Variants in EREG observed in about 807,000 individuals in gnomAD.
EREG encodes the protein proepiregulin.
Under a neutral mutation model 22.4 loss-of-function variants are expected in EREG, and 23 were observed. The ratio of observed to expected loss-of-function variants is 1.03; its 90% CI spans 0.74 to 1.46. EREG has a LOEUF of 1.46. Among genes scored for constraint, EREG ranks in the 40% most tolerant of loss-of-function variants. EREG has a pLI of 0.00. For synonymous variants in EREG, 100 were observed against 75.4 expected, an observed-to-expected ratio of 1.33 and a Z score of -1.69; for missense variants, 226 against 205.9, an observed-to-expected ratio of 1.10 and a Z score of -0.60.
At chr4:74,383,144 A>G (rs1313664364) in intron 4 of EREG, among the ~76,000 whole-genome samples, 2 of 152,224 alleles carry the variant, frequency 1.3e-5, no homozygotes, top group Admixed American at 6.5e-5. Context: ...GTGACCTTAC[A>G]TAAGTCAAAT....
At chr4:74,366,747 AGT>A (rs1374717416) in intron 1 of EREG, among the ~76,000 whole-genome samples, 1 of 152,024 alleles carries the variant, frequency 6.6e-6, no homozygotes. Flanking sequence ...ACTACCCACT[AGT>A]GTGTGTGTTG....
In EREG at chr4:74,382,696, C is replaced by T. The variant is rs755389323; in HGVS notation, c.330C>T (p.Val110=). The part of the protein sequence containing the change: ...GVRCEHFFLT[V]HQPLSKEYVA... ...GATGTGAACACTTCTTTTTAACCGT[C>T]CACCAACCTTTAAGCAAAGAATATG... is the stretch of plus-strand genomic sequence containing the variant. Residue 110 remains valine, a synonymous_variant, in exon 4 of 5, where the codon GTC becomes GTT. Coordinates refer to ENST00000244869, the MANE Select transcript of EREG (RefSeq NM_001432.3). 1 of 1,613,326 alleles carries T rather than the reference C, an allele frequency of 6.2e-7. No homozygotes were observed. Among genetic ancestry groups the T allele is most frequent in the Non-Finnish European group, 8.5e-7 (1 of 1,179,358 alleles).
chr4:74,367,561 T>C (rs1418949054), intron 1 of EREG, among the ~76,000 whole-genome samples: 2 of 152,208 alleles, frequency 1.3e-5, no homozygotes, highest in Non-Finnish European at 2.9e-5. Context: ...TGTTCCTGAA[T>C]GACATCTCCA....
At chr4:74,373,665 G>GTATATATGTC (rs925165200) in intron 1 of EREG, among the ~76,000 whole-genome samples, 1 of 146,674 alleles carries the variant, frequency 6.8e-6, no homozygotes, top group Non-Finnish European at 1.5e-5. Flanking sequence ...GTATATATGT[G>GTATATATGTC]TTCATATATA....
rs1267809102 is a variant in EREG, at chr4:74,385,745, T to A, written c.*937T>A. 1 of 380,980 alleles carries A rather than the reference T, an allele frequency of 2.6e-6. No individual in the cohort carries two copies. The highest frequency in any genetic ancestry group is 4.7e-6 in the Non-Finnish European group (1 of 214,618). 23.6% of individuals were successfully genotyped at this position (380,980 alleles called of 1,614,324 possible). ...AGCCCAAAATTTGATGGACTAATTATTATTTTAAAATATATGAAGACAATA... is the reference window on the plus strand; with the variant it reads ...AGCCCAAAATTTGATGGACTAATTAATATTTTAAAATATATGAAGACAATA... On this transcript the variant is annotated 3_prime_UTR_variant, in exon 5 of 5. Coordinates refer to ENST00000244869, the MANE Select transcript of EREG (RefSeq NM_001432.3).
In EREG at chr4:74,375,387, C is replaced by G. The variant is rs548416341; in HGVS notation, c.68-4061C>G. ...AGGCTGGAGTGCAGTGGCGCGATCT[C>G]CGCTCCCTGCAAGCTCCGCCTCCTG... On this transcript the variant is annotated intron_variant, in intron 1 of 4. Coordinates refer to ENST00000244869, the MANE Select transcript of EREG (RefSeq NM_001432.3). Among the ~76,000 whole-genome samples, 8 of 140,784 alleles carry G rather than the reference C, an allele frequency of 5.7e-5. No homozygotes were observed. The East Asian group carries it at 1.5e-3, about 27-fold the overall frequency. 92.4% of individuals were successfully genotyped at this position (140,784 alleles called of 152,430 possible).
At chr4:74,367,645 G>A (rs1011595327) in intron 1 of EREG, among the ~76,000 whole-genome samples, 5 of 152,182 alleles carry the variant, frequency 3.3e-5, no homozygotes, top group Non-Finnish European at 7.3e-5. Context: ...AATATGAGGA[G>A]CATAAATCTC....
chr4:74,371,627 T>G (rs1167272305), intron 1 of EREG, among the ~76,000 whole-genome samples: 1 of 152,228 alleles, frequency 6.6e-6, no homozygotes, highest in African/African-American at 2.4e-5. Context: ...TTCCATTCCT[T>G]TAAAGGCAGT....
rs149459925 is a variant in EREG, at chr4:74,368,146, G to C, written c.67+2771G>C. ...AGCAGATTCTAATAGAGAAGTTCCA[G>C]AGTAGCTGGGGCTGCTCCAGGGTTC... is the stretch of plus-strand genomic sequence containing the variant. On this transcript the variant is annotated intron_variant, in intron 1 of 4. Transcript: ENST00000244869. 3.4e-4 allele frequency among the ~76,000 whole-genome samples: 52 copies of C among 152,302 alleles called. No individual in the cohort carries two copies. In the East Asian group the frequency reaches 9.8e-3, roughly 29 times the overall value.
Position 74,382,760 on chromosome 4 carries a change from A to G in EREG, c.394A>G (p.Thr132Ala). The G allele has an allele frequency of 1.9e-6, 3 of 1,613,740 alleles. No homozygotes were observed. Among genetic ancestry groups the G allele is most frequent in the Non-Finnish European group, 2.5e-6 (3 of 1,179,836 alleles). Reference sequence around the variant, plus strand: ...GATTCTTATTATTTTGTTTCTTATCACAGTCGTCGGTTCCACATATTATTT... The same window carrying G: ...GATTCTTATTATTTTGTTTCTTATCGCAGTCGTCGGTTCCACATATTATTT... ...TVILIILFLI[T>A]VVGSTYYFCR... The change falls in exon 4 of 5, where the codon ACA becomes GCA. Residue 132 changes from threonine (T) to alanine (A), a missense_variant. Transcript: ENST00000244869.
In EREG at chr4:74,382,868, A is replaced by G. The variant is rs1752502563; in HGVS notation, c.428+74A>G. On this transcript the variant is annotated intron_variant, in intron 4 of 4. Transcript: ENST00000244869. ...AATGCAGACCTATAAACTGGGTAAAAATATGGATAAAGTATTAGAGAGATA... is the reference window on the plus strand; with the variant it reads ...AATGCAGACCTATAAACTGGGTAAAGATATGGATAAAGTATTAGAGAGATA... The G allele has an allele frequency of 1.3e-5, 14 of 1,081,018 alleles. No homozygotes were observed. In the East Asian group the frequency reaches 3.3e-4, roughly 26 times the overall value. 67.0% of individuals were successfully genotyped at this position (1,081,018 alleles called of 1,614,324 possible). A position where few individuals can be genotyped will look rare whatever the true frequency, so the allele number is the denominator to read the frequency against.
chr4:74,375,993 G>C (rs1332217625), intron 1 of EREG, among the ~76,000 whole-genome samples: 1 of 152,166 alleles, frequency 6.6e-6, no homozygotes, highest in Non-Finnish European at 1.5e-5. Context: ...GTGTCCAAGG[G>C]AGCGTCACGA....
chr4:74,378,458 C>A (rs76827535), intron 1 of EREG, among the ~76,000 whole-genome samples: 11,152 of 152,106 alleles, frequency 0.073, 698 homozygotes, highest in African/African-American at 0.17. Context: ...TTTCTTCAAA[C>A]AAAATATGTC....
At chr4:74,375,036 T>C (rs1041068919) in intron 1 of EREG, among the ~76,000 whole-genome samples, 1 of 152,124 alleles carries the variant, frequency 6.6e-6, no homozygotes, top group Non-Finnish European at 1.5e-5. Context: ...TGTATCTTAG[T>C]TACCAATGCC....
chr4:74,377,305 A>G (rs1159025817), intron 1 of EREG, among the ~76,000 whole-genome samples: 2 of 152,206 alleles, frequency 1.3e-5, no homozygotes, highest in Non-Finnish European at 2.9e-5. Flanking sequence ...CCTTTCCACC[A>G]TAATTTGTGG....
intron 1 of EREG, among the ~76,000 whole-genome samples, chr4:74,375,423 A>G (rs1358011480): frequency 1.4e-5 from 2 of 138,072 alleles, no homozygotes; most frequent in African/African-American, 2.8e-5. Flanking sequence ...GGTTCAAGCC[A>G]TTCTCCTGCC....
At chr4:74,379,606 A>G (rs1752440712) in intron 2 of EREG, 72 bp downstream of exon 2, 12 of 892,328 alleles carry the variant, frequency 1.3e-5, no homozygotes, top group East Asian at 2.4e-5. Context: ...CTCAAAGACT[A>G]TAAGTATGTG....
chr4:74,366,866 A>G (rs1463747215), intron 1 of EREG, among the ~76,000 whole-genome samples: 1 of 152,286 alleles, frequency 6.6e-6, no homozygotes, highest in East Asian at 1.9e-4. Flanking sequence ...GAGTTAGGTC[A>G]GTTTCTGTTT....
chr4:74,366,722 G>A (rs1752192193), intron 1 of EREG, among the ~76,000 whole-genome samples: 3 of 152,176 alleles, frequency 2.0e-5, no homozygotes, highest in African/African-American at 7.2e-5. Context: ...GCCAGAGCCT[G>A]TGAATAACCT....
Sources: gnomAD v4.1 joint callset for allele counts (sites outside exome capture counted in the v4.1 genomes callset) on GRCh38, gnomAD v4.1.1 for gene constraint, MANE v1.5 for transcripts, NCBI Gene and HGNC (gene_info 2026-07-23, HGNC 2026-07-21) for gene names.